Variants in GDPD1 observed in about 807,000 individuals in gnomAD.
GDPD1 encodes the protein glycerophosphodiester phosphodiesterase domain containing 1.
A neutral mutation model predicts 45.1 loss-of-function variants in GDPD1; 28 were observed. That is an observed-to-expected ratio of 0.62 (90% CI 0.46 to 0.85). The LOEUF is 0.85. Among genes scored for constraint, GDPD1 ranks in the 40% least tolerant of loss-of-function variants. The pLI, the probability that GDPD1 is intolerant of heterozygous loss-of-function variation, is 0.00. For missense variants in GDPD1, 256 were observed against 364.8 expected (o/e 0.70, Z 2.43); for synonymous variants, 139 against 131.4 (o/e 1.06, Z -0.40).
intron 2 of GDPD1, among the ~76,000 whole-genome samples, chr17:59,243,599 A>C (rs2047190599): frequency 6.6e-6 from 1 of 151,938 alleles, no homozygotes; most frequent in Non-Finnish European, 1.5e-5. Flanking sequence ...TCTTTCAGCC[A>C]TCAGGCTGTT....
Position 59,233,453 on chromosome 17 carries a change from A to C in GDPD1, c.143-1039A>C, listed in dbSNP as rs2047107083. Among the ~76,000 whole-genome samples, 6 of 146,618 alleles carry C rather than the reference A, an allele frequency of 4.1e-5. No individual in the cohort carries two copies. The South Asian group carries it at 1.3e-3, about 33-fold the overall frequency. ...CGTAAGCCCGGGAGGCGGAGCTTGC[A>C]GTGAGCCGAGATAGTGCCACTGCAC... is the stretch of plus-strand genomic sequence containing the variant. On this transcript the variant is annotated intron_variant, in intron 1 of 9. Transcript: ENST00000284116.
At chr17:59,250,734 C>T (rs1274860984) in intron 4 of GDPD1, among the ~76,000 whole-genome samples, 1 of 151,896 alleles carries the variant, frequency 6.6e-6, no homozygotes, top group Non-Finnish European at 1.5e-5. Flanking sequence ...GAATCTTGCT[C>T]TGTTGCCCAG....
chr17:59,227,004 G>A (rs1434302081), intron 1 of GDPD1, among the ~76,000 whole-genome samples: 1 of 151,880 alleles, frequency 6.6e-6, no homozygotes, highest in Non-Finnish European at 1.5e-5. Context: ...TTTATTGAGA[G>A]TTTATTGAAT....
chr17:59,269,471 G>T (rs1489843240), intron 7 of GDPD1, among the ~76,000 whole-genome samples: 2 of 139,242 alleles, frequency 1.4e-5, no homozygotes, highest in Admixed American at 1.4e-4. Context: ...AACGCTTCTT[G>T]TCTACCCCCC....
intron 4 of GDPD1, among the ~76,000 whole-genome samples, chr17:59,254,750 C>CAATTGCTCA (rs1281112540): frequency 6.6e-6 from 1 of 152,154 alleles, no homozygotes; most frequent in African/African-American, 2.4e-5. Context: ...GTTGCTCAAG[C>CAATTGCTCA]AGTAATTGGT....
intron 1 of GDPD1, among the ~76,000 whole-genome samples, chr17:59,229,445 G>C (rs1171099590): frequency 1.3e-5 from 2 of 151,652 alleles, no homozygotes; most frequent in African/African-American, 4.8e-5. Flanking sequence ...GGCTGGTCTC[G>C]AACTCCTGAC....
intron 2 of GDPD1, 29 bp downstream of exon 2, chr17:59,234,563 T>A: frequency 1.3e-6 from 2 of 1,501,618 alleles, no homozygotes; most frequent in Non-Finnish European, 1.8e-6. Flanking sequence ...TAAAAGGTAC[T>A]CTTTTCTTTT....
chr17:59,264,979 T>TA (rs1269832277), intron 6 of GDPD1, among the ~76,000 whole-genome samples: 3 of 151,904 alleles, frequency 2.0e-5, no homozygotes, highest in African/African-American at 7.2e-5. Context: ...TAGCTGGGGT[T>TA]ACAGTTGTAC....
chr17:59,257,318 T>C, intron 5 of GDPD1, 78 bp downstream of exon 5: 1 of 721,986 alleles, frequency 1.4e-6, no homozygotes, highest in Non-Finnish European at 2.4e-6. Flanking sequence ...AGTGACTGCA[T>C]AGATTGATAA....
intron 6 of GDPD1, among the ~76,000 whole-genome samples, chr17:59,259,317 C>G (rs1410923294): frequency 6.6e-6 from 1 of 151,514 alleles, no homozygotes. Flanking sequence ...CCTGTAATCC[C>G]AGCACTTTGG....
In GDPD1 at chr17:59,267,083, C is replaced by A. The variant is rs577899157; in HGVS notation, c.619C>A (p.Leu207Ile). The change falls in exon 7 of 10, where the codon CTC becomes ATC. Residue 207 changes from leucine to isoleucine, a missense_variant. Physicochemically the swap from Leu to Ile is conservative, Grantham distance 5. Coordinates refer to ENST00000284116, the MANE Select transcript of GDPD1 (RefSeq NM_182569.4). ...PILFSLQRVLLILGLFFTGLL... is the reference protein window; with the variant it reads ...PILFSLQRVLIILGLFFTGLL... ...ACTCTTCAGTCTACAACGTGTCCTG[C>A]TCATTCTTGGCCTTTTCTTCACTGG... 531 of 1,613,168 alleles carry A rather than the reference C, an allele frequency of 3.3e-4. 4 individuals carry two copies. The South Asian group carries it at 4.9e-3, about 15-fold the overall frequency.
intron 6 of GDPD1, among the ~76,000 whole-genome samples, chr17:59,262,129 C>A (rs1644012294): frequency 1.3e-5 from 2 of 151,186 alleles, no homozygotes; most frequent in South Asian, 4.2e-4. Flanking sequence ...ACCGTTTTAG[C>A]CGGGATGGTC....
At chr17:59,242,093 T>C (rs1265580547) in intron 2 of GDPD1, among the ~76,000 whole-genome samples, 1 of 152,054 alleles carries the variant, frequency 6.6e-6, no homozygotes, top group Admixed American at 6.6e-5. Flanking sequence ...GACAGAGTCT[T>C]GCTCTGTCAC....
At chr17:59,233,734 C>T (rs764609082) in intron 1 of GDPD1, among the ~76,000 whole-genome samples, 11 of 152,022 alleles carry the variant, frequency 7.2e-5, no homozygotes, top group Non-Finnish European at 1.5e-4. Context: ...TAAGAAAATG[C>T]TTATCGGTAG....
intron 6 of GDPD1, chr17:59,260,949 T>C (rs889103896): frequency 2.6e-5 from 4 of 152,116 alleles, no homozygotes; most frequent in East Asian, 3.8e-4. Context: ...CAGAGTATAA[T>C]TGAGATTCCC....
Position 59,274,933 on chromosome 17 carries a change from C to A in GDPD1, c.*1160C>A, listed in dbSNP as rs954059895. On this transcript the variant is annotated 3_prime_UTR_variant, in exon 10 of 10. Coordinates refer to ENST00000284116, the MANE Select transcript of GDPD1 (RefSeq NM_182569.4). Reference sequence around the variant, plus strand: ...CTTGGCTCACTGCAACCTCTGCCTCCCAGGTTCCAGCAATTCTCCTGCCTC... The same window carrying A: ...CTTGGCTCACTGCAACCTCTGCCTCACAGGTTCCAGCAATTCTCCTGCCTC... Among the ~76,000 whole-genome samples, 3 of 151,276 alleles carry A rather than the reference C, an allele frequency of 2.0e-5. No individual in the cohort carries two copies. Among genetic ancestry groups the A allele is most frequent in the Admixed American group, 2.0e-4 (3 of 15,186 alleles).
intron 6 of GDPD1, among the ~76,000 whole-genome samples, chr17:59,259,566 CAAAAAA>C (rs71367681): frequency 5.6e-4 from 14 of 24,848 alleles, no homozygotes; most frequent in African/African-American, 1.4e-3. Flanking sequence ...GACTCTGTCT[CAAAAAA>C]AAAAAAAAAA....
chr17:59,274,187 T>G lies in GDPD1; in HGVS notation c.*414T>G. On this transcript the variant is annotated 3_prime_UTR_variant, in exon 10 of 10. Transcript: ENST00000284116. ...CTGTAGATGATGCAGTGTTCTATCA[T>G]AAGTAATTCTGGAATCAAAGACTAT... is the stretch of plus-strand genomic sequence containing the variant. 1 of 976,454 alleles carries G rather than the reference T, an allele frequency of 1.0e-6. No homozygotes were observed. The highest frequency in any genetic ancestry group is 4.7e-5 in the South Asian group (1 of 21,076). 60.5% of individuals were successfully genotyped at this position (976,454 alleles called of 1,614,324 possible).
At chr17:59,249,189 C>T (rs1282761201) in intron 4 of GDPD1, 3 of 152,904 alleles carry the variant, frequency 2.0e-5, no homozygotes, top group African/African-American at 4.8e-5. Context: ...GTCAGGAGTT[C>T]GAGACCAGCC....
Sources: allele counts gnomAD v4.1 joint callset (sites outside exome capture counted in the v4.1 genomes callset), GRCh38; gene constraint gnomAD v4.1.1; transcripts MANE v1.5; gene names NCBI Gene and HGNC (gene_info 2026-07-23, HGNC 2026-07-21).